POR: variants seen among roughly 807,000 people sequenced by gnomAD.
POR encodes NADPH--cytochrome P450 reductase.
A neutral mutation model predicts 84.0 loss-of-function variants in POR; 56 were observed. The ratio of observed to expected loss-of-function variants is 0.67; its 90% confidence interval spans 0.54 to 0.83. POR has a LOEUF of 0.83. Ranked by LOEUF, POR falls within the 40% of genes least tolerant of loss-of-function variation. The pLI is 0.00. For synonymous variants in POR, 414 were observed against 400.5 expected, an observed-to-expected ratio of 1.03 and a Z score of -0.40; for missense variants, 938 against 944.3, an observed-to-expected ratio of 0.99 and a Z score of 0.09.
intron 1 of POR, among the ~76,000 whole-genome samples, chr7:75,948,677 G>A (rs782166072): frequency 1.3e-5 from 2 of 152,198 alleles, no homozygotes; most frequent in African/African-American, 2.4e-5. Flanking sequence ...CCCGAAAATC[G>A]GAAGGTTCTT....
chr7:75,952,594 C>T (rs1787490190), intron 1 of POR, among the ~76,000 whole-genome samples: 1 of 151,300 alleles, frequency 6.6e-6, no homozygotes. Context: ...AGGGTCTCCT[C>T]ACTTCTCAGA....
At chr7:75,949,047 A>G (rs539690770) in intron 1 of POR, among the ~76,000 whole-genome samples, 197 of 152,282 alleles carry the variant, frequency 1.3e-3, no homozygotes, top group African/African-American at 4.7e-3. Flanking sequence ...GGTGTGAGGA[A>G]GGGGAGCGTA....
At chr7:75,972,724 G>A (rs988439917) in intron 3 of POR, 22 of 547,546 alleles carry the variant, frequency 4.0e-5, no homozygotes, top group African/African-American at 1.5e-4. Context: ...TCTAACTCAC[G>A]AAGCTTCTCC....
At chr7:75,960,978 A>T (rs370786308) in intron 2 of POR, among the ~76,000 whole-genome samples, 3 of 152,152 alleles carry the variant, frequency 2.0e-5, no homozygotes, top group African/African-American at 7.2e-5. Context: ...GACACCTGTA[A>T]TCCCAGCACT....
chr7:75,952,515 A>G (rs1251526439), intron 1 of POR, among the ~76,000 whole-genome samples: 2 of 151,014 alleles, frequency 1.3e-5, no homozygotes, highest in East Asian at 3.9e-4. Context: ...GACGCTCCTC[A>G]CTTCCCAGAT....
At position 75,983,848 on chromosome 7, in the gene POR, A is replaced by C. The variant is rs1554558563; in HGVS notation, c.1058A>C (p.Asn353Thr). ...CTGGACGTCGTCATGTCCCTGAACAACCTGGATGGTGAGTGCCACAGTCAG... is the reference window on the plus strand; with the variant it reads ...CTGGACGTCGTCATGTCCCTGAACACCCTGGATGGTGAGTGCCACAGTCAG... The change falls in exon 10 of 16, where the codon AAC (asparagine) becomes ACC (threonine). Residue 353 changes from asparagine (N) to threonine (T), a missense_variant. By Grantham distance (65) the Asn-to-Thr change is moderately conservative (BLOSUM62 0). Transcript: ENST00000461988. 6.2e-7 allele frequency: 1 copy of C among 1,606,236 alleles called. No homozygotes were observed. Among genetic ancestry groups the C allele is most frequent in the South Asian group, 1.1e-5 (1 of 90,102 alleles).
In POR at chr7:75,954,045, C is replaced by T. The variant is rs782214390; in HGVS notation, c.53C>T (p.Ala18Val). 40 of 1,610,058 alleles carry T rather than the reference C, an allele frequency of 2.5e-5. No homozygotes were observed. Among genetic ancestry groups the T allele is most frequent in the South Asian group, 2.4e-4 (22 of 90,262 alleles). Residue 18 changes from alanine to valine, a missense_variant, in exon 2 of 16, where the codon GCG (alanine) becomes GTG (valine). Coordinates refer to ENST00000461988, the MANE Select transcript of POR (RefSeq NM_000941.3). ...GACACCAGCTCCACCGTGTCCGAGG[C>T]GGTGGCCGAAGAAGTATCTCTTTTC...
In POR at chr7:75,937,143, A is replaced by G. The variant is rs554337060; in HGVS notation, c.-4-16846A>G. On this transcript the variant is annotated intron_variant, in intron 1 of 15. Transcript: ENST00000461988. ...CATCCGGCCGCTGTTTCTGTTTTCT[A>G]TATTTTTATTCAAAATTAATTGAGG... Among the ~76,000 whole-genome samples, 26 of 151,456 alleles carry G rather than the reference A, an allele frequency of 1.7e-4. No individual in the cohort carries two copies. The East Asian group carries it at 4.3e-3, about 25-fold the overall frequency.
intron 3 of POR, among the ~76,000 whole-genome samples, chr7:75,974,501 C>T (rs926262468): frequency 2.1e-5 from 3 of 144,948 alleles, no homozygotes; most frequent in East Asian, 4.0e-4. Context: ...TAGATGGCTT[C>T]GTTTCTTTTT....
chr7:75,972,286 TG>T, intron 2 of POR, 126 bp from the exon 3 acceptor site: 1 of 844,826 alleles, frequency 1.2e-6, no homozygotes, highest in Non-Finnish European at 1.9e-6. Context: ...GGGACAAAGC[TG>T]GAATGTCCCC....
chr7:75,986,039 G>A lies in POR; in HGVS notation c.1786G>A (p.Val596Met), dbSNP rs1398576378. 11 of 1,560,614 alleles carry A rather than the reference G, an allele frequency of 7.0e-6. No individual in the cohort carries two copies. The highest frequency in any genetic ancestry group is 5.4e-5 in the African/African-American group (4 of 73,584). ...GGACGGTGCGCTCACCCAGCTCAAC[G>A]TGGCCTTCTCCCGGGAGCAGTCCCA... Residue 596 changes from valine to methionine, a missense_variant, in exon 14 of 16, where the codon GTG becomes ATG. Transcript: ENST00000461988.
chr7:75,946,938 C>T (rs1162097515), intron 1 of POR: 1 of 152,200 alleles, frequency 6.6e-6, no homozygotes, highest in African/African-American at 2.4e-5. Context: ...GCAGAGGTGG[C>T]TCCCAAACTG....
chr7:75,984,349 C>T (rs1391307582), intron 10 of POR, among the ~76,000 whole-genome samples: 2 of 152,298 alleles, frequency 1.3e-5, no homozygotes, highest in African/African-American at 4.8e-5. Flanking sequence ...GTGAAGCCCT[C>T]GGACCCCACT....
intron 2 of POR, among the ~76,000 whole-genome samples, chr7:75,969,763 G>T (rs543356777): frequency 1.8e-4 from 27 of 152,310 alleles, no homozygotes; most frequent in Middle Eastern, 3.4e-3. Context: ...GCTGGACAGA[G>T]AACTCAGGGC....
rs1031673806 is a variant in POR, at chr7:75,921,631, G to A, written c.-5+6452G>A. ...TTGTCACTTCCTGCTGCGCTGACCC[G>A]TAATTGACCCATAATTCTCCCTCTC... is the stretch of plus-strand genomic sequence containing the variant. On this transcript the variant is annotated intron_variant, in intron 1 of 15. Transcript: ENST00000461988. 7.9e-5 allele frequency among the ~76,000 whole-genome samples: 12 copies of A among 152,196 alleles called. No individual in the cohort carries two copies. The East Asian group carries it at 1.6e-3, about 20-fold the overall frequency.
At chr7:75,946,000 C>T (rs1349441056) in intron 1 of POR, among the ~76,000 whole-genome samples, 1 of 152,094 alleles carries the variant, frequency 6.6e-6, no homozygotes. Flanking sequence ...CCTGCCAGTG[C>T]CCCCCAGCCT....
chr7:75,971,890 G>A (rs373099564), intron 2 of POR, among the ~76,000 whole-genome samples: 1 of 152,074 alleles, frequency 6.6e-6, no homozygotes, highest in Middle Eastern at 3.5e-3. Context: ...GGCAGGTGAC[G>A]CTGGAGACAG....
intron 1 of POR, among the ~76,000 whole-genome samples, chr7:75,942,900 C>T (rs952357529): frequency 1.8e-4 from 28 of 151,398 alleles, no homozygotes; most frequent in African/African-American, 6.3e-4. Context: ...ATTTCCAAAG[C>T]GATTTAGTAT....
intron 2 of POR, among the ~76,000 whole-genome samples, chr7:75,962,879 G>A (rs1430148012): frequency 3.9e-5 from 6 of 152,178 alleles, no homozygotes; most frequent in Non-Finnish European, 7.3e-5. Context: ...TTAGCGACAC[G>A]TCAGCTCCCT....
Sources: allele counts gnomAD v4.1 joint callset (sites outside exome capture counted in the v4.1 genomes callset), GRCh38; gene constraint gnomAD v4.1.1; transcripts MANE v1.5; gene names NCBI Gene and HGNC (gene_info 2026-07-23, HGNC 2026-07-21).